Variants in PLOD3 observed in about 807,000 individuals in gnomAD.
PLOD3 encodes multifunctional procollagen lysine hydroxylase and glycosyltransferase LH3.
Under a neutral mutation model 96.9 loss-of-function variants are expected in PLOD3, and 73 were observed. The ratio of observed to expected loss-of-function variants is 0.75; its 90% CI spans 0.62 to 0.92. PLOD3 has a LOEUF of 0.92. PLOD3 is among the 40% of genes least tolerant of loss of function. The pLI is 0.00. For synonymous variants in PLOD3, 454 were observed against 413.7 expected (o/e 1.10, Z -1.18); for missense variants, 1,004 against 1,004.3 (o/e 1.00, Z 0.00).
intron 11 of PLOD3, 39 bp from the exon 12 acceptor site, chr7:101,211,755 C>G: frequency 6.3e-7 from 1 of 1,595,690 alleles, no homozygotes; most frequent in Non-Finnish European, 8.5e-7. Flanking sequence ...CAGACGGGAG[C>G]AGGCCTGGGG....
chr7:101,214,209 C>G (rs1798232664), intron 6 of PLOD3, among the ~76,000 whole-genome samples: 1 of 151,914 alleles, frequency 6.6e-6, no homozygotes, highest in Non-Finnish European at 1.5e-5. Context: ...TCACTGCAAG[C>G]TCTGCCTCCC....
intron 6 of PLOD3, chr7:101,213,460 T>A (rs1798219809): frequency 1.8e-6 from 1 of 550,740 alleles, no homozygotes; most frequent in Non-Finnish European, 3.3e-6. Flanking sequence ...GGGAGGCCAG[T>A]AGGAGCCTCA....
intron 18 of PLOD3, 32 bp from the exon 19 acceptor site, chr7:101,206,468 G>A (rs1798085508): frequency 1.3e-6 from 2 of 1,562,800 alleles, no homozygotes; most frequent in Admixed American, 3.9e-5. Flanking sequence ...AACATGGAGT[G>A]AGCAGACGTG....
intron 2 of PLOD3, 72 bp downstream of exon 2, chr7:101,216,623 G>T: frequency 6.2e-7 from 1 of 1,607,990 alleles, no homozygotes; most frequent in African/African-American, 1.3e-5. Flanking sequence ...TTACCGTGGG[G>T]ACCTGGGCAT....
Position 101,211,832 on chromosome 7 carries a change from AG to A in PLOD3, c.1232+13del, listed in dbSNP as rs1162784189. ...TGGGGTGCCCTCCGGCTGCGGGGAG[AG>A]GGGGTAAGCCACCTGTTCTCCTCAA... On this transcript the variant is annotated intron_variant, in intron 11 of 18. Coordinates refer to ENST00000223127, the MANE Select transcript of PLOD3 (RefSeq NM_001084.5). 2 of 1,603,408 alleles carry A rather than the reference AG, an allele frequency of 1.2e-6. No individual in the cohort carries two copies. Among genetic ancestry groups the A allele is most frequent in the African/African-American group, 2.7e-5 (2 of 74,276 alleles).
intron 6 of PLOD3, 22 bp from the exon 7 acceptor site, chr7:101,213,226 C>T (rs750841120): frequency 6.7e-7 from 1 of 1,484,252 alleles, no homozygotes. Context: ...AAAGGCCAGG[C>T]TTCAGACCCC....
chr7:101,211,700 T>C lies in PLOD3; in HGVS notation c.1249A>G (p.Met417Val), dbSNP rs1341074530. ...IEENRKVIAP[M>V]LSRHGKLWSN... ...CACAGCTTGCCGTGGCGGGACAGCA[T>C]GGGGGCGATCACCTTCCTGCGGACA... is the stretch of plus-strand genomic sequence containing the variant. The change falls in exon 12 of 19, where the codon ATG becomes GTG. Residue 417 changes from methionine to valine, a missense_variant. By Grantham distance (21) the Met-to-Val change is conservative. This residue lies in a region of PLOD3 where 690 missense variants were observed against 650.2 expected (regional missense o/e 1.06). Coordinates refer to ENST00000223127, the MANE Select transcript of PLOD3 (RefSeq NM_001084.5). 1.2e-6 allele frequency: 2 copies of C among 1,605,740 alleles called. No homozygotes were observed. Among genetic ancestry groups the C allele is most frequent in the African/African-American group, 2.7e-5 (2 of 74,792 alleles).
At chr7:101,206,557 G>A in intron 18 of PLOD3, 121 bp from the exon 19 acceptor site, 1 of 1,054,006 alleles carries the variant, frequency 9.5e-7, no homozygotes, top group Non-Finnish European at 1.4e-6. Flanking sequence ...GGTGACAAGG[G>A]AGATGGCAGA....
At chr7:101,207,549 G>C in intron 17 of PLOD3, 29 bp downstream of exon 17, 1 of 1,609,496 alleles carries the variant, frequency 6.2e-7, no homozygotes, top group African/African-American at 1.3e-5. Flanking sequence ...GGGGAAGGTG[G>C]GGAGGCAGCT....
intron 5 of PLOD3, among the ~76,000 whole-genome samples, chr7:101,215,430 C>A (rs1798253699): frequency 6.6e-6 from 1 of 152,216 alleles, no homozygotes; most frequent in African/African-American, 2.4e-5. Context: ...CCAGGCTGGT[C>A]TCAAACTCCC....
At chr7:101,207,001 G>A (rs557129677) in intron 17 of PLOD3, 97 bp from the exon 18 acceptor site, 3 of 1,401,596 alleles carry the variant, frequency 2.1e-6, no homozygotes, top group East Asian at 5.0e-5. Context: ...GTCTCGCTCT[G>A]TCACTCAGGC....
In PLOD3 at chr7:101,217,540, G is replaced by GGAGA; in HGVS notation, c.-270_-267dup. 1 of 470,718 alleles carries GGAGA rather than the reference G, an allele frequency of 2.1e-6. No homozygotes were observed. Among genetic ancestry groups the GGAGA allele is most frequent in the Non-Finnish European group, 3.7e-6 (1 of 267,888 alleles). 29.2% of individuals were successfully genotyped at this position (470,718 alleles called of 1,614,324 possible). A position where few individuals can be genotyped will look rare whatever the true frequency, so the allele number is the denominator to read the frequency against. On this transcript the variant is annotated 5_prime_UTR_variant, in exon 1 of 19. The change creates a premature stop within an existing upstream ORF in the 5' untranslated region. Coordinates refer to ENST00000223127, the MANE Select transcript of PLOD3 (RefSeq NM_001084.5). ...GGGCGGCGGCTCGGGCCGGCGGGCG[G>GGAGA]GAGACAGGGACTCTGGGCTGAGCCA...
chr7:101,210,475 G>C, intron 13 of PLOD3, 31 bp from the exon 14 acceptor site: 1 of 1,613,948 alleles, frequency 6.2e-7, no homozygotes, highest in Non-Finnish European at 8.5e-7. Flanking sequence ...CCGTGATGCA[G>C]GCGATGCCTG....
Position 101,210,331 on chromosome 7 carries a change from G to A in PLOD3, c.1614C>T (p.Val538=), listed in dbSNP as rs148949172. 4.1e-4 allele frequency: 653 copies of A among 1,611,798 alleles called. No individual in the cohort carries two copies. The highest frequency in any genetic ancestry group is 6.6e-4 in the Middle Eastern group (4 of 6,080). The change falls in exon 14 of 19, where the codon GTC becomes GTT. Residue 538 remains valine, a splice_region_variant and synonymous_variant. Coordinates refer to ENST00000223127, the MANE Select transcript of PLOD3 (RefSeq NM_001084.5). ...PDLWQIFDNP[V]DWKEQYIHEN... is the part of the protein sequence containing the mutation. ...CTCTGGGCGTGGGGTCCCCACTCAC[G>A]ACGGGGTTGTCGAAGATCTGCCAGA...
chr7:101,210,423 T>G lies in PLOD3; in HGVS notation c.1522A>C (p.Asn508His). 1 of 1,614,122 alleles carries G rather than the reference T, an allele frequency of 6.2e-7. No individual in the cohort carries two copies. The highest frequency in any genetic ancestry group is 8.5e-7 in the Non-Finnish European group (1 of 1,180,006). The change falls in exon 14 of 19, where the codon AAT becomes CAT. Residue 508 changes from asparagine (N) to histidine (H), a missense_variant. Transcript: ENST00000223127. ...AGGAGCCGGCCAAATTCATGCTGAT[T>G]GCTCAGATGGAGGAAGATGCCCTGT... is the stretch of plus-strand genomic sequence containing the variant. Reference protein sequence around the residue: ...RDKGIFLHLSNQHEFGRLLAT... With the variant: ...RDKGIFLHLSHQHEFGRLLAT...
Position 101,212,942 on chromosome 7 carries a change from A to C in PLOD3, c.779T>G (p.Leu260Arg). The change falls in exon 8 of 19, where the codon CTG becomes CGG. Residue 260 changes from leucine to arginine, a missense_variant and splice_region_variant. Leu to Arg is a moderately radical substitution (Grantham distance 102). Coordinates refer to ENST00000223127, the MANE Select transcript of PLOD3 (RefSeq NM_001084.5). Reference sequence around the variant, plus strand: ...GTAGTTTCCCAGGTAGTTGAGCTGCAGCTGTTGGGGACAGACTGAGGCTGA... The same window carrying C: ...GTAGTTTCCCAGGTAGTTGAGCTGCCGCTGTTGGGGACAGACTGAGGCTGA... Reference protein sequence around the residue: ...IVVHGNGPTKLQLNYLGNYVP... With the variant: ...IVVHGNGPTKRQLNYLGNYVP... 6.2e-7 allele frequency: 1 copy of C among 1,611,354 alleles called. No individual in the cohort carries two copies. Among genetic ancestry groups the C allele is most frequent in the Non-Finnish European group, 8.5e-7 (1 of 1,177,618 alleles).
intron 17 of PLOD3, among the ~76,000 whole-genome samples, chr7:101,207,136 C>T (rs867024634): frequency 5.9e-5 from 9 of 152,112 alleles, no homozygotes; most frequent in African/African-American, 1.4e-4. Context: ...CCACCACACC[C>T]GGCTAATTTT....
chr7:101,214,498 A>C (rs1275063805), intron 6 of PLOD3, among the ~76,000 whole-genome samples: 2 of 152,108 alleles, frequency 1.3e-5, no homozygotes, highest in Non-Finnish European at 2.9e-5. Context: ...TGTTTTCCTC[A>C]TCTGTACAAG....
At chr7:101,214,158 ACT>A (rs1397401956) in intron 6 of PLOD3, among the ~76,000 whole-genome samples, 1 of 144,778 alleles carries the variant, frequency 6.9e-6, no homozygotes, top group East Asian at 2.1e-4. Flanking sequence ...AAGGAATCTC[ACT>A]CTGTCACCCA....
Sources: gnomAD v4.1 joint callset for allele counts (sites outside exome capture counted in the v4.1 genomes callset) on GRCh38, gnomAD v4.1.1 for gene constraint, gnomAD v4.1.1 regional missense constraint, MANE v1.5 for transcripts, NCBI Gene and HGNC (gene_info 2026-07-23, HGNC 2026-07-21) for gene names.